ZFPM2: variants seen among roughly 807,000 people sequenced by gnomAD.
ZFPM2 encodes zinc finger protein, FOG family member 2, also known as zinc finger protein ZFPM2.
A neutral mutation model predicts 98.6 loss-of-function variants in ZFPM2; 20 were observed. The observed-to-expected ratio is 0.20, with a 90% CI of 0.14 to 0.29. The LOEUF (loss-of-function observed/expected upper bound fraction) is 0.29, where lower values mean the gene tolerates loss of function less well. ZFPM2 is among the 10% of genes least tolerant of loss of function. The pLI is 1.00. For missense variants in ZFPM2, 1,310 were observed against 1,388.6 expected (o/e 0.94, Z 0.90); for synonymous variants, 518 against 502.7 (o/e 1.03, Z -0.41).
intron 5 of ZFPM2, among the ~76,000 whole-genome samples, chr8:105,673,057 C>T (rs1044497592): frequency 5.9e-5 from 9 of 152,014 alleles, no homozygotes; most frequent in Non-Finnish European, 1.3e-4. Flanking sequence ...TTATTTTATT[C>T]TAGCTACGAT....
At chr8:105,557,830 T>G (rs2130688382) in intron 3 of ZFPM2, among the ~76,000 whole-genome samples, 1 of 152,320 alleles carries the variant, frequency 6.6e-6, no homozygotes, top group South Asian at 2.1e-4. Context: ...ATCCATCCTC[T>G]GATAAAGTGG....
At chr8:105,671,864 A>AG (rs1291392286) in intron 5 of ZFPM2, among the ~76,000 whole-genome samples, 4 of 152,156 alleles carry the variant, frequency 2.6e-5, no homozygotes, top group African/African-American at 9.7e-5. Flanking sequence ...AGAGAGACTA[A>AG]GTAGCTAGCA....
Position 105,318,758 on chromosome 8 carries a change from T to G in ZFPM2, c.-184T>G, listed in dbSNP as rs1811955292. On this transcript the variant is annotated 5_prime_UTR_variant, in exon 1 of 8. Coordinates refer to ENST00000407775, the MANE Select transcript of ZFPM2 (RefSeq NM_012082.4). ...CGTCTCTCTTCTCTCATTTGCTTGC[T>G]CATCTCCGAACGTGAATCCGCGGCT... The G allele has an allele frequency of 6.3e-6, 1 of 157,814 alleles. No individual in the cohort carries two copies. The highest frequency in any genetic ancestry group is 6.6e-5 in the Admixed American group (1 of 15,074). The allele number at this position is 157,814 out of a possible 1,614,324, so 9.8% of individuals were successfully genotyped here. A position where few individuals can be genotyped will look rare whatever the true frequency, so the allele number is the denominator to read the frequency against.
chr8:105,403,341 C>T (rs768876348), intron 1 of ZFPM2, among the ~76,000 whole-genome samples: 2 of 152,072 alleles, frequency 1.3e-5, no homozygotes, highest in African/African-American at 2.4e-5. Flanking sequence ...CTCATCTTTT[C>T]GATCTGTTGT....
chr8:105,788,211 T>G (rs1312925054), intron 5 of ZFPM2, among the ~76,000 whole-genome samples: 2 of 152,076 alleles, frequency 1.3e-5, no homozygotes, highest in Admixed American at 1.3e-4. Context: ...ATTTTAGGAG[T>G]TTTTGTTTAC....
intron 5 of ZFPM2, among the ~76,000 whole-genome samples, chr8:105,778,894 CTTT>C (rs58159246): frequency 2.6e-4 from 35 of 132,328 alleles, no homozygotes; most frequent in African/African-American, 8.0e-4. Flanking sequence ...AAACTGTCAT[CTTT>C]TTTTTTTTTT....
In ZFPM2 at chr8:105,604,883, A is replaced by T. The variant is rs1816166607; in HGVS notation, c.421-29363A>T. Among the ~76,000 whole-genome samples the T allele has an allele frequency of 2.0e-5, 3 of 152,118 alleles. No individual in the cohort carries two copies. In the South Asian group the frequency reaches 6.2e-4, roughly 31 times the overall value. On this transcript the variant is annotated intron_variant, in intron 4 of 7. Transcript: ENST00000407775. ...TCTTTTTCTCCCTAATAAGTGGGTG[A>T]GTTCCACAAGGACAGATTATCTTGT...
chr8:105,777,707 C>CT (rs1207094401), intron 5 of ZFPM2, among the ~76,000 whole-genome samples: 1 of 152,092 alleles, frequency 6.6e-6, no homozygotes, highest in Non-Finnish European at 1.5e-5. Context: ...TTATTTTACT[C>CT]TATTTTATTC....
Position 105,775,077 on chromosome 8 carries a change from T to TAA in ZFPM2, c.533-13623_533-13622dup, listed in dbSNP as rs397968210. On this transcript the variant is annotated intron_variant, in intron 5 of 7. Transcript: ENST00000407775. ...AGAAGTTTAATGAGCCTCTTGGAAT[T>TAA]AAAAAAAAAAAAAAAAAAAGCAAAA... is the stretch of plus-strand genomic sequence containing the variant. 4.3e-3 allele frequency among the ~76,000 whole-genome samples: 448 copies of TAA among 104,916 alleles called. 4 individuals carry two copies. Among genetic ancestry groups the TAA allele is most frequent in the African/African-American group, 0.014 (411 of 29,022 alleles). The allele number at this position is 104,916 out of a possible 152,430, so 68.8% of individuals were successfully genotyped here.
At chr8:105,697,555 G>C (rs1385059006) in intron 5 of ZFPM2, among the ~76,000 whole-genome samples, 1 of 152,132 alleles carries the variant, frequency 6.6e-6, no homozygotes, top group African/African-American at 2.4e-5. Context: ...CCTATTTAAA[G>C]TTTGATGATA....
chr8:105,399,872 T>A (rs1159817994), intron 1 of ZFPM2, among the ~76,000 whole-genome samples: 3 of 152,080 alleles, frequency 2.0e-5, no homozygotes, highest in African/African-American at 7.2e-5. Context: ...TTCAAGTAAT[T>A]CTCTTGCCTC....
intron 3 of ZFPM2, among the ~76,000 whole-genome samples, chr8:105,489,668 T>C (rs1386437354): frequency 1.3e-5 from 2 of 151,330 alleles, no homozygotes; most frequent in African/African-American, 4.8e-5. Flanking sequence ...TTCACCATGT[T>C]GGCCAGGCTG....
rs745773128 is a variant in ZFPM2 at position 105,788,923 on chromosome 8, T to C, written c.738T>C (p.Asn246=). The change falls in exon 6 of 8, where the codon AAT becomes AAC. Residue 246 remains asparagine (N), a splice_region_variant and synonymous_variant. Transcript: ENST00000407775. ...MASILPTAIV[N]KDIFPCKSCG... is the part of the protein sequence containing the mutation. ...CTATTTTGCCCACAGCTATTGTCAA[T>C]AGTAAGTGCTCAGTGCTGTGTAGCC... 9 of 1,612,814 alleles carry C rather than the reference T, an allele frequency of 5.6e-6. No homozygotes were observed. In the Admixed American group the frequency reaches 6.7e-5, roughly 12 times the overall value.
At chr8:105,747,983 T>G (rs1339451178) in intron 5 of ZFPM2, among the ~76,000 whole-genome samples, 2 of 152,116 alleles carry the variant, frequency 1.3e-5, no homozygotes, top group East Asian at 1.9e-4. Flanking sequence ...GTTTGGTATA[T>G]AGGCATTTGT....
intron 3 of ZFPM2, among the ~76,000 whole-genome samples, chr8:105,488,382 C>T (rs961712957): frequency 1.1e-4 from 17 of 152,196 alleles, no homozygotes; most frequent in African/African-American, 3.4e-4. Flanking sequence ...AAGATGAGTG[C>T]GGGCAAATAG....
intron 2 of ZFPM2, among the ~76,000 whole-genome samples, chr8:105,422,165 C>T (rs1021116098): frequency 2.6e-5 from 4 of 151,676 alleles, no homozygotes; most frequent in Admixed American, 6.6e-5. Flanking sequence ...AGGCCGGGCG[C>T]GATGGCTGAC....
At chr8:105,337,983 A>G (rs1047742913) in intron 1 of ZFPM2, among the ~76,000 whole-genome samples, 2 of 149,680 alleles carry the variant, frequency 1.3e-5, no homozygotes, top group African/African-American at 4.9e-5. Context: ...TCCATTAGAA[A>G]CTCTCTACAT....
chr8:105,607,088 C>T (rs1374701765), intron 4 of ZFPM2, among the ~76,000 whole-genome samples: 1 of 152,116 alleles, frequency 6.6e-6, no homozygotes, highest in Admixed American at 6.6e-5. Context: ...ACATAGGTCC[C>T]CTCAGATCTT....
chr8:105,724,976 CTG>C (rs1204766946), intron 5 of ZFPM2, among the ~76,000 whole-genome samples: 1 of 151,726 alleles, frequency 6.6e-6, no homozygotes, highest in Non-Finnish European at 1.5e-5. Flanking sequence ...CAGTTCAAAT[CTG>C]TGTTATTCAA....
Sources: allele counts gnomAD v4.1 joint callset (sites outside exome capture counted in the v4.1 genomes callset), GRCh38; gene constraint gnomAD v4.1.1; transcripts MANE v1.5; gene names NCBI Gene and HGNC (gene_info 2026-07-23, HGNC 2026-07-21).